PROCR: variants seen among roughly 807,000 people sequenced by gnomAD.
The protein encoded by PROCR is protein C receptor.
PROCR carries 22 observed loss-of-function variants against 24.2 expected under a neutral mutation model. The observed-to-expected ratio is 0.91, with a 90% confidence interval of 0.65 to 1.30. The LOEUF is 1.30. Among genes scored for constraint, PROCR ranks in the 50% most tolerant of loss-of-function variants. The pLI is 0.00. For synonymous variants in PROCR, 137 were observed against 139.2 expected (o/e 0.98, Z 0.11); for missense variants, 288 against 307.7 (o/e 0.94, Z 0.48).
At chr20:35,187,053 C>T (rs553755048) in intron 1 of PROCR, among the ~76,000 whole-genome samples, 49 of 152,092 alleles carry the variant, frequency 3.2e-4, no homozygotes, top group Non-Finnish European at 6.2e-4. Flanking sequence ...TTCCTCAATC[C>T]ATAGTTTGAT....
chr20:35,198,740 A>G (rs1373326195), intron 1 of PROCR, among the ~76,000 whole-genome samples: 3 of 146,964 alleles, frequency 2.0e-5, no homozygotes, highest in African/African-American at 7.6e-5. Context: ...TTTGAGATGG[A>G]GTCTCACTCT....
intron 2 of PROCR, 134 bp from the exon 3 acceptor site, chr20:35,176,034 G>A (rs2086012411): frequency 9.5e-7 from 1 of 1,055,026 alleles, no homozygotes. Flanking sequence ...TCTCCCCATA[G>A]TTCCCTGACC....
chr20:35,172,413 T>A (rs527729935), intron 1 of PROCR, among the ~76,000 whole-genome samples, 189 bp downstream of exon 1: 39 of 152,190 alleles, frequency 2.6e-4, no homozygotes, highest in African/African-American at 9.4e-4. Flanking sequence ...TTAGTACATT[T>A]AAGCCCCTGA....
At chr20:35,184,595 A>C (rs934258961) in intron 1 of PROCR, among the ~76,000 whole-genome samples, 10 of 152,064 alleles carry the variant, frequency 6.6e-5, no homozygotes, top group Non-Finnish European at 1.3e-4. Flanking sequence ...AGCCACTCAG[A>C]AGGCTGAGGC....
chr20:35,198,708 C>T (rs1261502101), intron 1 of PROCR, among the ~76,000 whole-genome samples: 4 of 151,774 alleles, frequency 2.6e-5, no homozygotes, highest in Admixed American at 2.6e-4. Flanking sequence ...AAGAAGATGC[C>T]ATCAAGGACT....
At chr20:35,189,424 T>C (rs2086155044) in intron 1 of PROCR, among the ~76,000 whole-genome samples, 1 of 152,176 alleles carries the variant, frequency 6.6e-6, no homozygotes, top group Admixed American at 6.5e-5. Context: ...TTCTCTGCTC[T>C]TGAACCCTGT....
chr20:35,213,521 A>G (rs1200729157), intron 1 of PROCR, among the ~76,000 whole-genome samples: 2 of 152,052 alleles, frequency 1.3e-5, no homozygotes, highest in Admixed American at 1.3e-4. Flanking sequence ...TTGGCCATGC[A>G]GATGAAGGCC....
At chr20:35,211,684 C>A (rs551976453) in intron 1 of PROCR, among the ~76,000 whole-genome samples, 1 of 152,270 alleles carries the variant, frequency 6.6e-6, no homozygotes, top group Non-Finnish European at 1.5e-5. Context: ...CCTGCAGAAA[C>A]TCTAGGAGAG....
intron 1 of PROCR, among the ~76,000 whole-genome samples, chr20:35,208,242 C>T (rs1416936784): frequency 6.6e-6 from 1 of 152,238 alleles, no homozygotes; most frequent in African/African-American, 2.4e-5. Flanking sequence ...TGGGCATAGG[C>T]CAGTCTCTTC....
chr20:35,172,272 CA>C (rs1843327998), intron 1 of PROCR, 48 bp downstream of exon 1: 1 of 1,596,838 alleles, frequency 6.3e-7, no homozygotes, highest in Non-Finnish European at 8.6e-7. Context: ...TGGAGAATCT[CA>C]GTCTATCTGG....
At position 35,205,785 on chromosome 20, in the gene PROCR, A is replaced by G. The variant is rs1404571290; in HGVS notation, c.95-10108A>G. 3.0e-4 allele frequency among the ~76,000 whole-genome samples: 40 copies of G among 134,212 alleles called. No homozygotes were observed. The East Asian group carries it at 6.5e-3, about 22-fold the overall frequency. 88.0% of individuals were successfully genotyped at this position (134,212 alleles called of 152,430 possible). On this transcript the variant is annotated intron_variant, in intron 1 of 1. Transcript: ENST00000634509. Reference sequence around the variant, plus strand: ...TATATATATATATATATATATATATATATGTATATATACACACATATATAT... The same window carrying G: ...TATATATATATATATATATATATATGTATGTATATATACACACATATATAT...
chr20:35,176,115 C>T, intron 2 of PROCR, 53 bp from the exon 3 acceptor site: 2 of 1,579,350 alleles, frequency 1.3e-6, no homozygotes, highest in South Asian at 2.2e-5. Context: ...GGCCTCGCCC[C>T]ACACCTGGCA....
intron 2 of PROCR, among the ~76,000 whole-genome samples, chr20:35,175,577 C>CTTTTTTTTTTTT (rs1284592742): frequency 3.9e-5 from 2 of 51,298 alleles, no homozygotes; most frequent in African/African-American, 1.3e-4. Context: ...ACCCCACCCC[C>CTTTTTTTTTTTT]CTTTTTTTTT....
At chr20:35,180,991 C>T (rs371997733), downstream of PROCR, among the ~76,000 whole-genome samples, 29 of 152,076 alleles carry the variant, frequency 1.9e-4, 2 homozygotes, top group South Asian at 4.8e-3. Flanking sequence ...CTCAACCTCC[C>T]GAGTAGCTGG....
intron 1 of PROCR, among the ~76,000 whole-genome samples, chr20:35,206,824 C>G (rs541124262): frequency 6.6e-6 from 1 of 152,300 alleles, no homozygotes; most frequent in African/African-American, 2.4e-5. Flanking sequence ...TAGGCTCCAA[C>G]AATCCCTCCT....
chr20:35,178,508 T>TTTTTTTTTTTTG (rs2086046405), downstream of PROCR, among the ~76,000 whole-genome samples: 1 of 5,704 alleles, frequency 1.8e-4, no homozygotes, highest in African/African-American at 1.7e-3. Context: ...CAAGTCTCAG[T>TTTTTTTTTTTTG]TTTTTTTTTT....
intron 1 of PROCR, among the ~76,000 whole-genome samples, chr20:35,211,880 G>T (rs1280386164): frequency 6.6e-6 from 1 of 152,072 alleles, no homozygotes; most frequent in Non-Finnish European, 1.5e-5. Context: ...GCTGGGTGTG[G>T]TGGCTCACAA....
chr20:35,214,880 C>G (rs1363516362), intron 1 of PROCR, among the ~76,000 whole-genome samples: 1 of 150,440 alleles, frequency 6.6e-6, no homozygotes, highest in Non-Finnish European at 1.5e-5. Context: ...TTCCTTCCTC[C>G]AGGCCTTTAC....
At chr20:35,197,006 T>C (rs1353813506) in intron 1 of PROCR, among the ~76,000 whole-genome samples, 1 of 152,234 alleles carries the variant, frequency 6.6e-6, no homozygotes, top group Non-Finnish European at 1.5e-5. Context: ...TTTGTAGATA[T>C]TGTGATTTTA....
Sources: allele counts gnomAD v4.1 joint callset (sites outside exome capture counted in the v4.1 genomes callset), GRCh38; gene constraint gnomAD v4.1.1; transcripts MANE v1.5; gene names NCBI Gene and HGNC (gene_info 2026-07-23, HGNC 2026-07-21).